The following PARD3 variants were observed in gnomAD, a reference collection of about 807,000 sequenced individuals.
PARD3 encodes the protein par-3 family cell polarity regulator, also known as partitioning defective 3 homolog.
A neutral mutation model predicts 155.4 loss-of-function variants in PARD3; 75 were observed. That is an observed-to-expected ratio of 0.48 (90% CI 0.40 to 0.58). The LOEUF (loss-of-function observed/expected upper bound fraction) is 0.58. Ranked by LOEUF, PARD3 falls within the 20% of genes least tolerant of loss-of-function variation. The pLI is 0.00. For missense variants in PARD3, 1,642 were observed against 1,721.7 expected, an observed-to-expected ratio of 0.95 and a Z score of 0.82; for synonymous variants, 576 against 610.5, an observed-to-expected ratio of 0.94 and a Z score of 0.83.
chr10:34,795,868 TG>T (rs756897447), intron 1 of PARD3, among the ~76,000 whole-genome samples: 48 of 152,142 alleles, frequency 3.2e-4, no homozygotes, highest in Non-Finnish European at 5.3e-4. Flanking sequence ...CACTCCAGCC[TG>T]GGCAACAAGA....
intron 2 of PARD3, among the ~76,000 whole-genome samples, chr10:34,669,680 T>G (rs1186698777): frequency 3.9e-5 from 6 of 152,144 alleles, no homozygotes; most frequent in African/African-American, 1.2e-4. Context: ...ATAATTTGCT[T>G]GCAACAAATG....
chr10:34,615,042 G>A (rs572837562), intron 2 of PARD3, among the ~76,000 whole-genome samples: 8 of 151,992 alleles, frequency 5.3e-5, no homozygotes, highest in East Asian at 1.9e-4. Context: ...TTAGCCAGGC[G>A]TTGTGGCGGG....
chr10:34,532,066 T>C (rs1251445331), intron 2 of PARD3, among the ~76,000 whole-genome samples: 1 of 152,180 alleles, frequency 6.6e-6, no homozygotes, highest in South Asian at 2.1e-4. Context: ...TGCGATTTAA[T>C]ATTGCATCTT....
chr10:34,727,344 T>C (rs2094732445), intron 1 of PARD3, among the ~76,000 whole-genome samples: 1 of 152,234 alleles, frequency 6.6e-6, no homozygotes, highest in South Asian at 2.1e-4. Flanking sequence ...CCACGTTTTA[T>C]GCAGCATCTT....
chr10:34,666,796 A>AAAAAAAAAAAAAAAT (rs1358640964), intron 2 of PARD3, among the ~76,000 whole-genome samples: 2 of 66,960 alleles, frequency 3.0e-5, no homozygotes, highest in Non-Finnish European at 5.7e-5. Flanking sequence ...AAAAAAAAAA[A>AAAAAAAAAAAAAAAT]ATATATATAT....
At chr10:34,449,857 A>G (rs978818974) in intron 5 of PARD3, among the ~76,000 whole-genome samples, 2 of 152,230 alleles carry the variant, frequency 1.3e-5, no homozygotes, top group African/African-American at 4.8e-5. Context: ...GTGCCCAAAC[A>G]TGACAAAATA....
At chr10:34,473,942 G>A (rs1378450959) in intron 3 of PARD3, among the ~76,000 whole-genome samples, 1 of 152,212 alleles carries the variant, frequency 6.6e-6, no homozygotes, top group Non-Finnish European at 1.5e-5. Flanking sequence ...CTTCAACAAA[G>A]CTGTTTTCTT....
chr10:34,362,771 G>A (rs552623660), intron 12 of PARD3, among the ~76,000 whole-genome samples: 1 of 152,214 alleles, frequency 6.6e-6, no homozygotes, highest in African/African-American at 2.4e-5. Context: ...TTGGGCTTAC[G>A]TGCCCAGCCC....
intron 1 of PARD3, among the ~76,000 whole-genome samples, chr10:34,785,091 T>C (rs7912166): frequency 0.35 from 53,706 of 152,142 alleles, 10,628 homozygotes; most frequent in African/African-American, 0.55. Context: ...AAATTCTATA[T>C]GTGGACTACT....
intron 2 of PARD3, 70 bp from the exon 3 acceptor site, chr10:34,517,229 T>C (rs2081833813): frequency 7.0e-7 from 1 of 1,420,884 alleles, no homozygotes; most frequent in African/African-American, 1.4e-5. Flanking sequence ...TTTGTACTAT[T>C]TTGACATAAT....
At chr10:34,476,053 C>T (rs1001770973) in intron 3 of PARD3, among the ~76,000 whole-genome samples, 7 of 151,828 alleles carry the variant, frequency 4.6e-5, no homozygotes, top group African/African-American at 1.7e-4. Flanking sequence ...CTGAAGGAGG[C>T]TGAAGCAGAA....
intron 22 of PARD3, among the ~76,000 whole-genome samples, chr10:34,185,595 C>G (rs1950450382): frequency 6.6e-6 from 1 of 151,914 alleles, no homozygotes; most frequent in Non-Finnish European, 1.5e-5. Context: ...ATTTTATATG[C>G]AACACAGACA....
At chr10:34,350,011 C>T (rs1461531438) in intron 14 of PARD3, among the ~76,000 whole-genome samples, 2 of 152,140 alleles carry the variant, frequency 1.3e-5, no homozygotes, top group Non-Finnish European at 2.9e-5. Context: ...AGGAAAGATT[C>T]TCCACCTCCC....
intron 2 of PARD3, among the ~76,000 whole-genome samples, chr10:34,529,860 G>A (rs1334907810): frequency 6.6e-6 from 1 of 151,852 alleles, no homozygotes; most frequent in East Asian, 1.9e-4. Flanking sequence ...TCAGCCTCCT[G>A]TGAAGCTGGG....
At chr10:34,117,370 G>C (rs757603155) in intron 24 of PARD3, among the ~76,000 whole-genome samples, 2 of 152,220 alleles carry the variant, frequency 1.3e-5, no homozygotes, top group Non-Finnish European at 2.9e-5. Flanking sequence ...GGCCATGCCA[G>C]GTGGGCCAAT....
chr10:34,513,345 T>C (rs1345347275), intron 3 of PARD3, among the ~76,000 whole-genome samples: 1 of 152,160 alleles, frequency 6.6e-6, no homozygotes, highest in African/African-American at 2.4e-5. Flanking sequence ...AAGGGCATGA[T>C]CTCGGCTCAC....
At chr10:34,611,801 TTC>T (rs1284280238) in intron 2 of PARD3, among the ~76,000 whole-genome samples, 1 of 145,390 alleles carries the variant, frequency 6.9e-6, no homozygotes, top group African/African-American at 2.7e-5. Context: ...TGTGATACAT[TTC>T]TTTCTTTTTT....
intron 20 of PARD3, among the ~76,000 whole-genome samples, chr10:34,295,422 T>A (rs1315206380): frequency 6.6e-6 from 1 of 152,190 alleles, no homozygotes; most frequent in Non-Finnish European, 1.5e-5. Context: ...TCATCCCATT[T>A]CCATCTTCTC....
intron 2 of PARD3, among the ~76,000 whole-genome samples, chr10:34,562,522 T>C (rs745699996): frequency 6.6e-6 from 1 of 152,140 alleles, no homozygotes; most frequent in Non-Finnish European, 1.5e-5. Context: ...CGAGCTCACA[T>C]GCAGGGTTAC....
Sources: gnomAD v4.1 joint callset for allele counts (sites outside exome capture counted in the v4.1 genomes callset) on GRCh38, gnomAD v4.1.1 for gene constraint, MANE v1.5 for transcripts, NCBI Gene and HGNC (gene_info 2026-07-23, HGNC 2026-07-21) for gene names.